Variants in GRIK2 observed in about 807,000 individuals in gnomAD.
The protein encoded by GRIK2 is glutamate ionotropic receptor kainate type subunit 2.
In GRIK2, 32 loss-of-function variants were observed where a neutral mutation model predicts 100.3. The ratio of observed to expected loss-of-function variants is 0.32; its 90% CI spans 0.24 to 0.43. The LOEUF is 0.43. GRIK2 is among the 20% of genes least tolerant of loss of function. The pLI is 1.00. For synonymous variants in GRIK2, 417 were observed against 389.4 expected, an observed-to-expected ratio of 1.07 and a Z score of -0.83; for missense variants, 843 against 1,114.9, an observed-to-expected ratio of 0.76 and a Z score of 3.47.
intron 2 of GRIK2, among the ~76,000 whole-genome samples, chr6:101,560,657 T>G (rs950049568): frequency 6.6e-6 from 1 of 152,060 alleles, no homozygotes; most frequent in African/African-American, 2.4e-5. Context: ...AAGACATAAT[T>G]TAAGTAATTC....
At position 101,623,649 on chromosome 6, in the gene GRIK2, A is replaced by G. The variant is rs370837623; in HGVS notation, c.283+1533A>G. On this transcript the variant is annotated intron_variant, in intron 3 of 16. Coordinates refer to ENST00000369134, the MANE Select transcript of GRIK2 (RefSeq NM_021956.5). The stretch of plus-strand genomic sequence containing the variant: ...TCTCACAACAGAGTACTATCCTGGG[A>G]ATGCCCTAGCAAAATTATGAATTGA... 4.6e-5 allele frequency among the ~76,000 whole-genome samples: 7 copies of G among 152,274 alleles called. No homozygotes were observed. In the East Asian group the frequency reaches 5.8e-4, roughly 13 times the overall value.
chr6:101,775,864 C>T (rs778942784), intron 7 of GRIK2, among the ~76,000 whole-genome samples: 1 of 151,726 alleles, frequency 6.6e-6, no homozygotes, highest in Non-Finnish European at 1.5e-5. Flanking sequence ...TACTTTGCCA[C>T]CCAGGCTGGA....
chr6:101,614,045 C>G (rs1294159971), intron 2 of GRIK2, among the ~76,000 whole-genome samples: 2 of 151,558 alleles, frequency 1.3e-5, no homozygotes, highest in Non-Finnish European at 3.0e-5. Context: ...GTTTGTCATT[C>G]CTGGAGGCCA....
At chr6:101,713,140 A>T (rs185596923) in intron 7 of GRIK2, among the ~76,000 whole-genome samples, 1 of 151,828 alleles carries the variant, frequency 6.6e-6, no homozygotes, top group East Asian at 1.9e-4. Context: ...CAATGGGACT[A>T]TGACGAAAGG....
intron 14 of GRIK2, among the ~76,000 whole-genome samples, chr6:101,986,790 AC>A (rs1208378768): frequency 2.0e-5 from 3 of 151,782 alleles, no homozygotes; most frequent in Non-Finnish European, 4.4e-5. Flanking sequence ...GACTAAGTGA[AC>A]CTTTCAAAAA....
chr6:102,041,624 C>CTGAG (rs1379924130), intron 15 of GRIK2, among the ~76,000 whole-genome samples: 1 of 151,486 alleles, frequency 6.6e-6, no homozygotes, highest in Non-Finnish European at 1.5e-5. Context: ...GAAGAAGTTA[C>CTGAG]TGAGTCCCTA....
At chr6:101,775,461 C>A (rs1391351372) in intron 7 of GRIK2, among the ~76,000 whole-genome samples, 2 of 151,838 alleles carry the variant, frequency 1.3e-5, no homozygotes, top group African/African-American at 4.8e-5. Flanking sequence ...CTCTTCCTTT[C>A]AGCCCTCATG....
intron 14 of GRIK2, among the ~76,000 whole-genome samples, chr6:102,026,436 G>A (rs1407185589): frequency 6.6e-6 from 1 of 150,808 alleles, no homozygotes; most frequent in Admixed American, 6.7e-5. Flanking sequence ...TTGTATTTCA[G>A]TTTGTCCACA....
chr6:101,748,762 A>G (rs1284717310), intron 7 of GRIK2, among the ~76,000 whole-genome samples: 2 of 152,128 alleles, frequency 1.3e-5, no homozygotes, highest in Admixed American at 1.3e-4. Flanking sequence ...AAATATATGT[A>G]CATGTATTGA....
chr6:101,588,785 C>T (rs1336008315), intron 2 of GRIK2, among the ~76,000 whole-genome samples: 1 of 151,878 alleles, frequency 6.6e-6, no homozygotes, highest in Non-Finnish European at 1.5e-5. Flanking sequence ...ATGTAACAAA[C>T]CTGCACATTA....
At chr6:101,513,615 G>T (rs568561249) in intron 2 of GRIK2, among the ~76,000 whole-genome samples, 4 of 152,218 alleles carry the variant, frequency 2.6e-5, no homozygotes, top group African/African-American at 9.6e-5. Flanking sequence ...GCCAGAGTCA[G>T]GTTGGAAAGT....
chr6:101,730,821 A>G (rs1396990369), intron 7 of GRIK2, among the ~76,000 whole-genome samples: 1 of 151,878 alleles, frequency 6.6e-6, no homozygotes, highest in Non-Finnish European at 1.5e-5. Context: ...TTTTTTTTTA[A>G]AAATGAGAGG....
intron 4 of GRIK2, among the ~76,000 whole-genome samples, chr6:101,635,859 T>G (rs1780980562): frequency 6.6e-6 from 1 of 152,126 alleles, no homozygotes. Context: ...CAACAGATGC[T>G]GGAGAGGATG....
intron 2 of GRIK2, among the ~76,000 whole-genome samples, chr6:101,524,738 C>CT (rs1775064164): frequency 9.4e-6 from 1 of 106,354 alleles, no homozygotes; most frequent in Non-Finnish European, 2.1e-5. Context: ...TTTTTTTCTT[C>CT]TTTTTTCTTT....
At chr6:101,549,523 C>A (rs1367137622) in intron 2 of GRIK2, among the ~76,000 whole-genome samples, 2 of 151,844 alleles carry the variant, frequency 1.3e-5, no homozygotes, top group African/African-American at 4.8e-5. Flanking sequence ...CTCACCTTCC[C>A]AATATTTTTC....
intron 2 of GRIK2, among the ~76,000 whole-genome samples, chr6:101,421,059 A>C (rs1435032894): frequency 6.6e-6 from 1 of 152,238 alleles, no homozygotes; most frequent in Middle Eastern, 3.4e-3. Flanking sequence ...CTGTCATCTT[A>C]TCTCCAAGGA....
chr6:101,609,558 C>A (rs1779581606), intron 2 of GRIK2, among the ~76,000 whole-genome samples: 1 of 151,710 alleles, frequency 6.6e-6, no homozygotes, highest in South Asian at 2.1e-4. Context: ...AAAATAATGG[C>A]CATTTGATCA....
chr6:101,455,531 T>C (rs375093027), intron 2 of GRIK2, among the ~76,000 whole-genome samples: 39 of 152,172 alleles, frequency 2.6e-4, no homozygotes, highest in East Asian at 1.9e-3. Context: ...AATAGTGTTA[T>C]AGGAGCCATG....
rs116835241 is a variant in GRIK2 at position 101,438,739 on chromosome 6, G to A, written c.115+39347G>A. On this transcript the variant is annotated intron_variant, in intron 2 of 16. Transcript: ENST00000369134. Reference sequence around the variant, plus strand: ...TGTCAAGTATGATTAGTATTTCTTCGCATTAAATTGATAAGGAACAATGTG... The same window carrying A: ...TGTCAAGTATGATTAGTATTTCTTCACATTAAATTGATAAGGAACAATGTG... Among the ~76,000 whole-genome samples, 334 of 152,096 alleles carry A rather than the reference G, an allele frequency of 2.2e-3. 2 individuals are homozygous for A. The highest frequency in any genetic ancestry group is 7.7e-3 in the African/African-American group (318 of 41,530).
Sources: allele counts gnomAD v4.1 joint callset (sites outside exome capture counted in the v4.1 genomes callset), GRCh38; gene constraint gnomAD v4.1.1; transcripts MANE v1.5; gene names NCBI Gene and HGNC (gene_info 2026-07-23, HGNC 2026-07-21).